Variants in BAZ2B observed in about 807,000 individuals in gnomAD.
BAZ2B encodes the protein bromodomain adjacent to zinc finger domain 2B, also known as bromodomain adjacent to zinc finger domain protein 2B.
In BAZ2B, 91 loss-of-function variants were observed where a neutral mutation model predicts 246.0. The observed-to-expected ratio is 0.37, with a 90% CI of 0.31 to 0.44. BAZ2B has a LOEUF of 0.44. Among genes scored for constraint, BAZ2B ranks in the 20% least tolerant of loss-of-function variants. The pLI is 1.00. For missense variants in BAZ2B, 2,332 were observed against 2,533.7 expected (o/e 0.92, Z 1.71); for synonymous variants, 855 against 860.0 (o/e 0.99, Z 0.10).
rs115126041 is a variant in BAZ2B, at chr2:159,440,547, C to T, written c.697-1335G>A. Reference sequence around the variant, plus strand: ...TTTTTTTTTTTTTCGGGGACAGTCTCGCTCTGTCGCCCAGGCTGGAGTACA... The same window carrying T: ...TTTTTTTTTTTTTCGGGGACAGTCTTGCTCTGTCGCCCAGGCTGGAGTACA... On this transcript the variant is annotated intron_variant, in intron 6 of 36. Transcript: ENST00000392783. 4.1e-3 allele frequency among the ~76,000 whole-genome samples: 597 copies of T among 145,052 alleles called. 4 individuals carry two copies. The highest frequency in any genetic ancestry group is 0.015 in the African/African-American group (569 of 39,100).
chr2:159,374,048 G>A (rs551691703), intron 26 of BAZ2B, among the ~76,000 whole-genome samples: 25 of 148,326 alleles, frequency 1.7e-4, no homozygotes, highest in South Asian at 8.6e-4. Context: ...CTAATGCTAT[G>A]AAATTCAGTT....
At chr2:159,580,292 T>C (rs188936956) in intron 1 of BAZ2B, among the ~76,000 whole-genome samples, 8 of 152,048 alleles carry the variant, frequency 5.3e-5, no homozygotes, top group Non-Finnish European at 1.0e-4. Flanking sequence ...AACAGCCAAA[T>C]CATGAGTGAA....
At chr2:159,359,977 T>C (rs1291800477) in intron 27 of BAZ2B, among the ~76,000 whole-genome samples, 26 of 152,218 alleles carry the variant, frequency 1.7e-4, no homozygotes, top group Admixed American at 1.5e-3. Flanking sequence ...GAGCTGTTTA[T>C]GACAAACCCA....
At chr2:159,330,336 T>C (rs1375768300) in intron 34 of BAZ2B, among the ~76,000 whole-genome samples, 1 of 152,030 alleles carries the variant, frequency 6.6e-6, no homozygotes, top group Non-Finnish European at 1.5e-5. Context: ...GAGAAATCGA[T>C]GAAGATTTGA....
chr2:159,343,209 T>C (rs1431565474), intron 31 of BAZ2B, among the ~76,000 whole-genome samples: 1 of 152,130 alleles, frequency 6.6e-6, no homozygotes, highest in Non-Finnish European at 1.5e-5. Context: ...AAACTGGATA[T>C]CCATATGCAG....
chr2:159,622,243 C>A, the BAZ2B span, among the ~76,000 whole-genome samples: 1 of 99,192 alleles, frequency 1.0e-5, no homozygotes, highest in Admixed American at 1.7e-4. Context: ...CCAGCCTGGG[C>A]AACAGAGTGA....
At position 159,616,416 on chromosome 2, in the gene BAZ2B, C is replaced by T. The variant is rs1300213605; in HGVS notation, c.-220G>A. On this transcript the variant is annotated 5_prime_UTR_variant, in exon 1 of 37. Transcript: ENST00000392783. ...GATTTGTGATCGGGAAAGCCTTCGA[C>T]TCCCTCCTTCTCCGTCTTCCGCCTC... 1 of 152,208 alleles carries T rather than the reference C, an allele frequency of 6.6e-6. No individual in the cohort carries two copies. The highest frequency in any genetic ancestry group is 2.4e-5 in the African/African-American group (1 of 41,428). 9.4% of individuals were successfully genotyped at this position (152,208 alleles called of 1,614,324 possible).
chr2:159,586,355 C>A (rs1344536367), intron 1 of BAZ2B, among the ~76,000 whole-genome samples: 1 of 151,868 alleles, frequency 6.6e-6, no homozygotes. Context: ...AAGTGCTAGG[C>A]TATAGATACA....
chr2:159,668,540 A>G, the BAZ2B span, among the ~76,000 whole-genome samples: 2 of 152,000 alleles, frequency 1.3e-5, no homozygotes, highest in Admixed American at 1.3e-4. Flanking sequence ...AATTTTGTCT[A>G]CTGCTTTCTC....
In BAZ2B at chr2:159,499,906, C is replaced by T. The variant is rs555083352; in HGVS notation, c.-2-21185G>A. ...TAAATTTGTTTAAGTTCCTTGTAGACTCTGGATATTAGACCCTTGTCAGTT... is the reference window on the plus strand; with the variant it reads ...TAAATTTGTTTAAGTTCCTTGTAGATTCTGGATATTAGACCCTTGTCAGTT... On this transcript the variant is annotated intron_variant, in intron 2 of 36. Transcript: ENST00000392783. Among the ~76,000 whole-genome samples the T allele has an allele frequency of 7.7e-4, 117 of 152,152 alleles. 1 individual carries two copies. The highest frequency in any genetic ancestry group is 3.1e-3 in the South Asian group (15 of 4,822).
chr2:159,642,384 C>T, the BAZ2B span, among the ~76,000 whole-genome samples: 2 of 151,738 alleles, frequency 1.3e-5, no homozygotes, highest in South Asian at 2.1e-4. Context: ...ATTATAGGTG[C>T]CAGCCACCAC....
intron 34 of BAZ2B, 104 bp from the exon 35 acceptor site, chr2:159,326,022 A>G (rs1339201825): frequency 1.0e-6 from 1 of 972,912 alleles, no homozygotes; most frequent in Non-Finnish European, 1.4e-6. Flanking sequence ...TAAAAAGAAT[A>G]ACTCTGATCT....
chr2:159,574,760 T>C (rs1578523805), intron 1 of BAZ2B, among the ~76,000 whole-genome samples: 1 of 151,852 alleles, frequency 6.6e-6, no homozygotes. Context: ...CTGAGGCAGG[T>C]GGATGACGAG....
chr2:159,521,060 G>T (rs2084071996), intron 2 of BAZ2B, among the ~76,000 whole-genome samples: 1 of 151,910 alleles, frequency 6.6e-6, no homozygotes, highest in African/African-American at 2.4e-5. Context: ...CTTTAGATTT[G>T]GCATAATATA....
intron 31 of BAZ2B, among the ~76,000 whole-genome samples, chr2:159,338,092 G>A (rs2065966302): frequency 6.6e-6 from 1 of 152,158 alleles, no homozygotes; most frequent in South Asian, 2.1e-4. Flanking sequence ...AAATCTCTGG[G>A]TAGCCTCTGA....
chr2:159,541,045 T>C (rs2086601088), intron 2 of BAZ2B, among the ~76,000 whole-genome samples: 7 of 152,192 alleles, frequency 4.6e-5, no homozygotes, highest in Admixed American at 4.6e-4. Context: ...TTAAATTTTT[T>C]ACACATTTCC....
chr2:159,636,195 T>C, the BAZ2B span, among the ~76,000 whole-genome samples: 1 of 152,192 alleles, frequency 6.6e-6, no homozygotes, highest in African/African-American at 2.4e-5. Flanking sequence ...AAAATCACCA[T>C]CACAAAAACC....
At chr2:159,589,960 G>A (rs1167219767) in intron 1 of BAZ2B, among the ~76,000 whole-genome samples, 1 of 152,004 alleles carries the variant, frequency 6.6e-6, no homozygotes, top group African/African-American at 2.4e-5. Context: ...GCCGAGGCAG[G>A]CAGATCATTT....
chr2:159,434,115 C>T (rs911150885), intron 8 of BAZ2B: 4 of 151,924 alleles, frequency 2.6e-5, no homozygotes, highest in African/African-American at 7.3e-5. Flanking sequence ...GTATAGCATT[C>T]GCTCCATTGT....
Sources: gnomAD v4.1 joint callset for allele counts (sites outside exome capture counted in the v4.1 genomes callset) on GRCh38, gnomAD v4.1.1 for gene constraint, MANE v1.5 for transcripts, NCBI Gene and HGNC (gene_info 2026-07-23, HGNC 2026-07-21) for gene names.